TSHZ2: variants seen among roughly 807,000 people sequenced by gnomAD.
TSHZ2 encodes the protein teashirt zinc finger homeobox 2, also known as teashirt homolog 2.
TSHZ2 carries 21 observed loss-of-function variants against 74.4 expected under a neutral mutation model. The ratio of observed to expected loss-of-function variants is 0.28; its 90% CI spans 0.20 to 0.41. The LOEUF is 0.41. TSHZ2 is among the 10% of genes least tolerant of loss of function. TSHZ2 has a pLI of 1.00. For synonymous variants in TSHZ2, 540 were observed against 515.3 expected (o/e 1.05, Z -0.65); for missense variants, 1,244 against 1,293.5 (o/e 0.96, Z 0.59).
chr20:53,121,505 G>T (rs1024586722), intron 1 of TSHZ2, among the ~76,000 whole-genome samples: 1 of 152,168 alleles, frequency 6.6e-6, no homozygotes, highest in African/African-American at 2.4e-5. Context: ...AGGGAGCAGT[G>T]GGGACTGTGA....
At chr20:53,451,563 C>G (rs1984785188) in intron 2 of TSHZ2, among the ~76,000 whole-genome samples, 1 of 152,148 alleles carries the variant, frequency 6.6e-6, no homozygotes. Flanking sequence ...AATTCTTTAT[C>G]TGGGTAACTT....
rs111943855 is a variant in TSHZ2, at chr20:53,064,689, A to AACACACACAC, written c.40+91366_40+91375dup. 6.7e-3 allele frequency among the ~76,000 whole-genome samples: 1,013 copies of AACACACACAC among 150,836 alleles called. 11 individuals carry two copies. Among genetic ancestry groups the AACACACACAC allele is most frequent in the East Asian group, 0.022 (113 of 5,084 alleles). ...AATAAATAAAAGACGTAGACAGAGA[A>AACACACACAC]ACACACACACACACACACAATTGTG... On this transcript the variant is annotated intron_variant, in intron 1 of 2. Coordinates refer to ENST00000371497, the MANE Select transcript of TSHZ2 (RefSeq NM_173485.6).
At chr20:53,260,699 G>A (rs1241056139) in intron 2 of TSHZ2, among the ~76,000 whole-genome samples, 1 of 152,152 alleles carries the variant, frequency 6.6e-6, no homozygotes, top group Non-Finnish European at 1.5e-5. Context: ...CCTTCTCATA[G>A]GAAGGTTGTA....
chr20:53,189,816 G>A (rs1988683721), intron 1 of TSHZ2, among the ~76,000 whole-genome samples: 1 of 151,824 alleles, frequency 6.6e-6, no homozygotes, highest in African/African-American at 2.4e-5. Context: ...AGACACAATG[G>A]CTCACGCCTA....
intron 1 of TSHZ2, among the ~76,000 whole-genome samples, chr20:52,991,646 G>A (rs557057472): frequency 1.2e-3 from 180 of 151,308 alleles, no homozygotes; most frequent in African/African-American, 4.1e-3. Flanking sequence ...GTGTGTTGTG[G>A]GGGGAGAGAA....
chr20:53,485,422 G>A (rs73137970), intron 2 of TSHZ2, among the ~76,000 whole-genome samples: 13,243 of 152,072 alleles, frequency 0.087, 629 homozygotes, highest in East Asian at 0.17. Flanking sequence ...CGAAATGCAT[G>A]GGAAGGCCAG....
intron 1 of TSHZ2, among the ~76,000 whole-genome samples, chr20:53,142,287 A>T (rs1333649750): frequency 2.0e-5 from 3 of 152,162 alleles, no homozygotes; most frequent in Non-Finnish European, 2.9e-5. Context: ...CTACACTCTC[A>T]GATCCTGTCC....
intron 2 of TSHZ2, among the ~76,000 whole-genome samples, chr20:53,441,881 C>A (rs1002786430): frequency 1.4e-4 from 22 of 152,234 alleles, no homozygotes; most frequent in Non-Finnish European, 2.4e-4. Flanking sequence ...CACTCCCAGC[C>A]TTTTCATTAT....
intron 1 of TSHZ2, among the ~76,000 whole-genome samples, chr20:53,137,933 A>G (rs1987288130): frequency 6.6e-6 from 1 of 152,204 alleles, no homozygotes; most frequent in African/African-American, 2.4e-5. Flanking sequence ...TAAATCTAAT[A>G]AAGTGTATTT....
At chr20:52,980,233 A>G (rs1427355881) in intron 1 of TSHZ2, among the ~76,000 whole-genome samples, 1 of 152,246 alleles carries the variant, frequency 6.6e-6, no homozygotes, top group African/African-American at 2.4e-5. Context: ...AGACAACAGC[A>G]TTGCGTTTTA....
Position 53,179,479 on chromosome 20 carries a change from G to A in TSHZ2, c.41-74020G>A, listed in dbSNP as rs906981324. The A allele has an allele frequency of 2.6e-5, 4 of 152,340 alleles. No individual in the cohort carries two copies. In the Middle Eastern group the frequency reaches 0.01, roughly 389 times the overall value. 9.4% of individuals were successfully genotyped at this position (152,340 alleles called of 1,614,324 possible). On this transcript the variant is annotated intron_variant, in intron 1 of 2. Transcript: ENST00000371497. Reference sequence around the variant, plus strand: ...GTGCTAGGATGCCAAAGGATCCAGAGAAGTCATAGGTGAGACTTCAGGTGG... The same window carrying A: ...GTGCTAGGATGCCAAAGGATCCAGAAAAGTCATAGGTGAGACTTCAGGTGG...
intron 1 of TSHZ2, among the ~76,000 whole-genome samples, chr20:53,230,891 AAAG>A (rs1479156578): frequency 7.2e-5 from 11 of 152,160 alleles, no homozygotes; most frequent in Admixed American, 7.2e-4. Context: ...CTCAAAAAAA[AAAG>A]AAAAAAGAAA....
At chr20:53,202,268 G>T (rs1432313696) in intron 1 of TSHZ2, among the ~76,000 whole-genome samples, 1 of 152,120 alleles carries the variant, frequency 6.6e-6, no homozygotes, top group Admixed American at 6.5e-5. Flanking sequence ...CTACACCTTT[G>T]CTTGGCCATT....
At chr20:53,145,423 C>T (rs1282436810) in intron 1 of TSHZ2, among the ~76,000 whole-genome samples, 1 of 152,088 alleles carries the variant, frequency 6.6e-6, no homozygotes, top group African/African-American at 2.4e-5. Flanking sequence ...AGAATGACAC[C>T]TTGTATCAAG....
At chr20:53,105,305 A>G (rs190807063) in intron 1 of TSHZ2, among the ~76,000 whole-genome samples, 6 of 152,344 alleles carry the variant, frequency 3.9e-5, no homozygotes, top group African/African-American at 1.4e-4. Context: ...CACTGCTGAC[A>G]TTAGGAGCTA....
chr20:53,469,611 AG>A, intron 2 of TSHZ2, among the ~76,000 whole-genome samples: 1 of 95,256 alleles, frequency 1.0e-5, no homozygotes, highest in Non-Finnish European at 2.0e-5. Context: ...CAAGAAAGAT[AG>A]ATAGAGAGGG....
intron 1 of TSHZ2, among the ~76,000 whole-genome samples, chr20:53,206,342 G>T (rs1283893584): frequency 6.6e-6 from 1 of 152,196 alleles, no homozygotes; most frequent in African/African-American, 2.4e-5. Context: ...CACAAAACAG[G>T]CCCCCGAGTA....
intron 1 of TSHZ2, among the ~76,000 whole-genome samples, chr20:53,108,613 T>C (rs1043502757): frequency 6.6e-6 from 1 of 151,314 alleles, no homozygotes; most frequent in Non-Finnish European, 1.5e-5. Flanking sequence ...AAGGGTTCCA[T>C]ATGGCTCCAA....
intron 1 of TSHZ2, among the ~76,000 whole-genome samples, chr20:53,113,947 T>A (rs1248065400): frequency 6.6e-6 from 1 of 151,936 alleles, no homozygotes; most frequent in Non-Finnish European, 1.5e-5. Flanking sequence ...GTCCATATAG[T>A]CAGGGCACGG....
Sources: allele counts gnomAD v4.1 joint callset (sites outside exome capture counted in the v4.1 genomes callset), GRCh38; gene constraint gnomAD v4.1.1; transcripts MANE v1.5; gene names NCBI Gene and HGNC (gene_info 2026-07-23, HGNC 2026-07-21).